SHROOM3: variants seen among roughly 807,000 people sequenced by gnomAD.
The protein encoded by SHROOM3 is protein Shroom3.
Under a neutral mutation model 138.6 loss-of-function variants are expected in SHROOM3, and 47 were observed. That is an observed-to-expected ratio of 0.34 (90% CI 0.27 to 0.43). SHROOM3 has a LOEUF of 0.43. Among genes scored for constraint, SHROOM3 ranks in the 20% least tolerant of loss-of-function variants. The pLI, the probability that SHROOM3 is intolerant of heterozygous loss-of-function variation, is 1.00. For synonymous variants in SHROOM3, 1,062 were observed against 1,063.3 expected, an observed-to-expected ratio of 1.00 and a Z score of 0.02; for missense variants, 2,491 against 2,596.5, an observed-to-expected ratio of 0.96 and a Z score of 0.88.
chr4:76,516,667 C>T (rs1732450743), intron 1 of SHROOM3, among the ~76,000 whole-genome samples: 1 of 152,102 alleles, frequency 6.6e-6, no homozygotes, highest in African/African-American at 2.4e-5. Context: ...AACACAAAGT[C>T]CTGGTGTACA....
At chr4:76,492,281 G>A (rs916186382) in intron 1 of SHROOM3, among the ~76,000 whole-genome samples, 1 of 152,208 alleles carries the variant, frequency 6.6e-6, no homozygotes, top group Non-Finnish European at 1.5e-5. Flanking sequence ...GCTCAGTGAT[G>A]GATGTGCACT....
rs1730630121 is a variant in SHROOM3 at position 76,439,692 on chromosome 4, C to G, written c.168+3472C>G. 2.0e-5 allele frequency among the ~76,000 whole-genome samples: 3 copies of G among 152,312 alleles called. No homozygotes were observed. In the South Asian group the frequency reaches 6.2e-4, roughly 32 times the overall value. On this transcript the variant is annotated intron_variant, in intron 1 of 10. Transcript: ENST00000296043. Reference sequence around the variant, plus strand: ...AGGGAAGGGATAGTACACATTGAGTCACACATATGAAAGGCACAAACACAT... The same window carrying G: ...AGGGAAGGGATAGTACACATTGAGTGACACATATGAAAGGCACAAACACAT...
intron 2 of SHROOM3, among the ~76,000 whole-genome samples, chr4:76,671,376 G>C (rs1718878344): frequency 6.6e-6 from 1 of 152,162 alleles, no homozygotes; most frequent in African/African-American, 2.4e-5. Flanking sequence ...GTTGCCTTTT[G>C]GATAAACTTC....
At chr4:76,548,759 T>C (rs187229142) in intron 1 of SHROOM3, among the ~76,000 whole-genome samples, 32 of 152,218 alleles carry the variant, frequency 2.1e-4, no homozygotes, top group Non-Finnish European at 4.1e-4. Flanking sequence ...CAAAGTCGAC[T>C]TCTCCTATAG....
intron 4 of SHROOM3, 128 bp downstream of exon 4, chr4:76,731,063 C>A: frequency 7.7e-7 from 1 of 1,293,838 alleles, no homozygotes; most frequent in East Asian, 2.4e-5. Flanking sequence ...AATCTCTATC[C>A]ACTGCTTTTC....
chr4:76,644,616 T>C (rs1182432132), intron 2 of SHROOM3, among the ~76,000 whole-genome samples: 1 of 152,048 alleles, frequency 6.6e-6, no homozygotes, highest in Non-Finnish European at 1.5e-5. Flanking sequence ...TAATTACATA[T>C]ATTTAAGGGA....
chr4:76,494,999 T>A (rs907715467), intron 1 of SHROOM3, among the ~76,000 whole-genome samples: 1 of 152,236 alleles, frequency 6.6e-6, no homozygotes, highest in African/African-American at 2.4e-5. Flanking sequence ...TTCTTCTATT[T>A]AGGCACCAAG....
intron 2 of SHROOM3, among the ~76,000 whole-genome samples, chr4:76,628,446 G>A (rs1735210859): frequency 6.6e-6 from 1 of 152,170 alleles, no homozygotes; most frequent in African/African-American, 2.4e-5. Flanking sequence ...AAGAGGAAAT[G>A]TGAACAATGC....
intron 1 of SHROOM3, among the ~76,000 whole-genome samples, chr4:76,443,051 A>G (rs944887886): frequency 4.6e-5 from 7 of 152,250 alleles, no homozygotes; most frequent in African/African-American, 1.7e-4. Flanking sequence ...TTTCATATGC[A>G]CATATGTAAT....
At chr4:76,576,816 T>TA (rs1284243472) in intron 2 of SHROOM3, among the ~76,000 whole-genome samples, 3 of 151,920 alleles carry the variant, frequency 2.0e-5, no homozygotes, top group African/African-American at 7.2e-5. Flanking sequence ...AATGTTAAAA[T>TA]AAAAAATGGG....
chr4:76,672,163 TA>T (rs892871771), intron 2 of SHROOM3, among the ~76,000 whole-genome samples: 14 of 151,932 alleles, frequency 9.2e-5, no homozygotes, highest in African/African-American at 3.4e-4. Context: ...TTTATCCCTC[TA>T]AAAAAAATGA....
intron 1 of SHROOM3, 106 bp downstream of exon 1, chr4:76,436,326 T>A: frequency 8.5e-7 from 1 of 1,170,998 alleles, no homozygotes; most frequent in Non-Finnish European, 1.2e-6. Context: ...TAACTTAATT[T>A]GCTGTTTCAT....
chr4:76,655,527 G>A (rs1736046393), intron 2 of SHROOM3, among the ~76,000 whole-genome samples: 1 of 152,216 alleles, frequency 6.6e-6, no homozygotes, highest in Admixed American at 6.5e-5. Context: ...AAAGTGGAAA[G>A]TTATGGATAT....
chr4:76,585,931 T>C (rs574470128), intron 2 of SHROOM3, among the ~76,000 whole-genome samples: 1 of 152,340 alleles, frequency 6.6e-6, no homozygotes, highest in Non-Finnish European at 1.5e-5. Context: ...CTGCCGACGC[T>C]GTGTTCTTCT....
chr4:76,654,275 A>C (rs2110089857), intron 2 of SHROOM3, among the ~76,000 whole-genome samples: 1 of 152,330 alleles, frequency 6.6e-6, no homozygotes, highest in African/African-American at 2.4e-5. Context: ...GAACGTTAAA[A>C]GTCTGCCGAG....
At position 76,765,044 on chromosome 4, in the gene SHROOM3, CA is replaced by C. The variant is rs758076032; in HGVS notation, c.5349+5350del. 4.6e-5 allele frequency among the ~76,000 whole-genome samples: 7 copies of C among 151,322 alleles called. No homozygotes were observed. The East Asian group carries it at 1.4e-3, about 29-fold the overall frequency. On this transcript the variant is annotated intron_variant, in intron 9 of 10. Transcript: ENST00000296043. ...TTAAATCTGTTTTCTTTCAGTCCTT[CA>C]GATTGGATAATTTCTGTTGGTCTGT...
At chr4:76,507,836 G>T (rs1696140102) in intron 1 of SHROOM3, among the ~76,000 whole-genome samples, 1 of 152,122 alleles carries the variant, frequency 6.6e-6, no homozygotes, top group African/African-American at 2.4e-5. Flanking sequence ...GAGCCACCAT[G>T]CCTGGCCGGT....
At chr4:76,548,142 G>A (rs1324106306) in intron 1 of SHROOM3, among the ~76,000 whole-genome samples, 2 of 152,278 alleles carry the variant, frequency 1.3e-5, no homozygotes, top group African/African-American at 4.8e-5. Context: ...ATTCCAGGCT[G>A]AGGGAACAGC....
In SHROOM3 at chr4:76,558,865, C is replaced by G. The variant is rs1266198206; in HGVS notation, c.323+3102C>G. Reference sequence around the variant, plus strand: ...GCACCAGTATTTGCTAGGATCCACTCTGATGGCCAGATGGTCCATCTTCCT... The same window carrying G: ...GCACCAGTATTTGCTAGGATCCACTGTGATGGCCAGATGGTCCATCTTCCT... On this transcript the variant is annotated intron_variant, in intron 2 of 10. Coordinates refer to ENST00000296043, the MANE Select transcript of SHROOM3 (RefSeq NM_020859.4). 2.0e-5 allele frequency among the ~76,000 whole-genome samples: 3 copies of G among 152,212 alleles called. No individual in the cohort carries two copies. In the East Asian group the frequency reaches 5.8e-4, roughly 29 times the overall value.
Sources: allele counts gnomAD v4.1 joint callset (sites outside exome capture counted in the v4.1 genomes callset), GRCh38; gene constraint gnomAD v4.1.1; transcripts MANE v1.5; gene names NCBI Gene and HGNC (gene_info 2026-07-23, HGNC 2026-07-21).